Variants in DPP6 observed in about 807,000 individuals in gnomAD.
DPP6 encodes the protein dipeptidyl peptidase like 6.
In DPP6, 69 loss-of-function variants were observed where a neutral mutation model predicts 122.6. The ratio of observed to expected loss-of-function variants is 0.56; its 90% CI spans 0.46 to 0.69. The LOEUF (loss-of-function observed/expected upper bound fraction) is 0.69, where lower values mean the gene tolerates loss of function less well. Ranked by LOEUF, DPP6 falls within the 30% of genes least tolerant of loss-of-function variation. The pLI, the probability that DPP6 is intolerant of heterozygous loss-of-function variation, is 0.00. For synonymous variants in DPP6, 418 were observed against 433.1 expected (o/e 0.97, Z 0.43); for missense variants, 928 against 1,116.9 (o/e 0.83, Z 2.41).
At position 154,892,593 on chromosome 7, in the gene DPP6, T is replaced by A. The variant is rs1047038; in HGVS notation, c.*113T>A. The stretch of plus-strand genomic sequence containing the variant: ...GGCGGGGCGGGGCGGGGCCGGGTGT[T>A]CCATAGCATGTGTGTCTCGGATGCG... On this transcript the variant is annotated 3_prime_UTR_variant, in exon 26 of 26. Transcript: ENST00000377770. 102,692 of 1,488,738 alleles carry A rather than the reference T, an allele frequency of 0.069. 5,353 individuals carry two copies. The highest frequency in any genetic ancestry group is 0.12 in the Admixed American group (6,865 of 55,864). The allele number at this position is 1,488,738 out of a possible 1,614,324, so 92.2% of individuals were successfully genotyped here.
chr7:153,979,991 T>C (rs1344548404), intron 1 of DPP6, among the ~76,000 whole-genome samples: 5 of 152,354 alleles, frequency 3.3e-5, no homozygotes, highest in East Asian at 3.9e-4. Context: ...ATCAGGGATA[T>C]TGGCCTGAAA....
At chr7:154,290,880 C>A (rs1402648987) in intron 1 of DPP6, among the ~76,000 whole-genome samples, 1 of 152,158 alleles carries the variant, frequency 6.6e-6, no homozygotes, top group Non-Finnish European at 1.5e-5. Flanking sequence ...CCTTCAAAGC[C>A]AAGGGCTGTC....
chr7:154,421,040 C>G (rs1178922148), intron 1 of DPP6, among the ~76,000 whole-genome samples: 3 of 152,178 alleles, frequency 2.0e-5, no homozygotes, highest in Non-Finnish European at 4.4e-5. Context: ...TTCGTGAGCT[C>G]TGGAACTAAG....
At chr7:154,181,749 CTTT>C (rs57576340) in intron 1 of DPP6, among the ~76,000 whole-genome samples, 5 of 134,888 alleles carry the variant, frequency 3.7e-5, no homozygotes, top group Non-Finnish European at 6.4e-5. Flanking sequence ...GCATCTCCCT[CTTT>C]TTTTTTTTTT....
At chr7:154,658,679 G>C (rs1325112726) in intron 6 of DPP6, among the ~76,000 whole-genome samples, 1 of 152,220 alleles carries the variant, frequency 6.6e-6, no homozygotes, top group African/African-American at 2.4e-5. Context: ...AGAGCCTTCA[G>C]TGCTCCTCTG....
rs142171263 is a variant in DPP6, at chr7:154,510,813, C to A, written c.458-29719C>A. On this transcript the variant is annotated intron_variant, in intron 3 of 25. Transcript: ENST00000377770. ...ACACTAAAAACCACTAAATTATATA[C>A]CTAACTGGGTGAATTTATTTGTATG... Among the ~76,000 whole-genome samples, 17 of 151,962 alleles carry A rather than the reference C, an allele frequency of 1.1e-4. No individual in the cohort carries two copies. In the East Asian group the frequency reaches 3.3e-3, roughly 29 times the overall value.
the DPP6 span, among the ~76,000 whole-genome samples, chr7:153,844,813 A>G: frequency 5.3e-5 from 8 of 152,216 alleles, no homozygotes; most frequent in Non-Finnish European, 7.3e-5. Context: ...GTGACTTACT[A>G]TCAAGTTATA....
intron 1 of DPP6, among the ~76,000 whole-genome samples, chr7:154,260,484 A>G (rs1023449233): frequency 1.1e-4 from 16 of 151,678 alleles, no homozygotes; most frequent in Non-Finnish European, 2.1e-4. Flanking sequence ...CCGTTGTGCC[A>G]TTGTGTCATT....
chr7:154,726,960 C>A (rs1842096043), intron 7 of DPP6, among the ~76,000 whole-genome samples: 1 of 152,172 alleles, frequency 6.6e-6, no homozygotes, highest in Admixed American at 6.5e-5. Flanking sequence ...AACCATCCAA[C>A]AATTCTCTAG....
intron 1 of DPP6, among the ~76,000 whole-genome samples, chr7:154,128,320 C>T (rs1182270241): frequency 1.3e-5 from 2 of 152,200 alleles, no homozygotes; most frequent in East Asian, 3.8e-4. Flanking sequence ...TGGCTCACAT[C>T]TGTAATCCCA....
chr7:153,810,303 G>A, the DPP6 span, among the ~76,000 whole-genome samples: 2 of 152,120 alleles, frequency 1.3e-5, no homozygotes, highest in African/African-American at 4.8e-5. Context: ...CTGATAGGTG[G>A]TAAGACTTAC....
chr7:154,857,460 C>T (rs1180271177), intron 17 of DPP6, among the ~76,000 whole-genome samples: 1 of 152,212 alleles, frequency 6.6e-6, no homozygotes, highest in Non-Finnish European at 1.5e-5. Flanking sequence ...GTGCCAAACC[C>T]AGCCCTGAGT....
chr7:153,755,490 G>A, the DPP6 span, among the ~76,000 whole-genome samples: 2 of 147,794 alleles, frequency 1.4e-5, no homozygotes, highest in African/African-American at 2.5e-5. Context: ...AAATCTGAAG[G>A]TTTTCATGCC....
At chr7:154,058,853 A>T (rs1801206689) in intron 1 of DPP6, 1 of 142,728 alleles carries the variant, frequency 7.0e-6, no homozygotes, top group Admixed American at 7.0e-5. Flanking sequence ...GGCTGTTAGT[A>T]CCCCCATCGC....
At chr7:153,874,300 C>A in the DPP6 span, among the ~76,000 whole-genome samples, 1 of 150,944 alleles carries the variant, frequency 6.6e-6, no homozygotes, top group Non-Finnish European at 1.5e-5. Context: ...ACCAGAATAA[C>A]AGAAGAACCA....
intron 1 of DPP6, among the ~76,000 whole-genome samples, chr7:154,207,818 G>A (rs750670188): frequency 3.2e-4 from 49 of 152,274 alleles, no homozygotes; most frequent in Middle Eastern, 3.4e-3. Context: ...AGCCGGATGC[G>A]ATGGCGCAGG....
rs926586330 is a variant in DPP6 at position 154,180,272 on chromosome 7, C to T, written c.243+127209C>T. 4.6e-5 allele frequency among the ~76,000 whole-genome samples: 7 copies of T among 151,454 alleles called. No individual in the cohort carries two copies. The East Asian group carries it at 5.8e-4, about 13-fold the overall frequency. On this transcript the variant is annotated intron_variant, in intron 1 of 25. Transcript: ENST00000377770. Reference sequence around the variant, plus strand: ...CTGAGGCATAAGAATCGCATGAACCCGGGAGGTGGAGGCTGCAGTGAGCTG... The same window carrying T: ...CTGAGGCATAAGAATCGCATGAACCTGGGAGGTGGAGGCTGCAGTGAGCTG...
chr7:154,627,000 CTTTTTTTTTTTTT>C (rs552919287), intron 5 of DPP6, among the ~76,000 whole-genome samples: 39 of 52,090 alleles, frequency 7.5e-4, no homozygotes, highest in African/African-American at 1.6e-3. Context: ...GAAATTTTTT[CTTTTTTTTTTTTT>C]TTTTTTTTTT....
Position 154,769,434 on chromosome 7 carries a change from C to T in DPP6, c.901C>T (p.His301Tyr). Residue 301 changes from histidine (H) to tyrosine (Y), a missense_variant, in exon 9 of 26, where the codon CAC (histidine) becomes TAC (tyrosine). Coordinates refer to ENST00000377770, the MANE Select transcript of DPP6 (RefSeq NM_130797.4). ...WLYEEEILKT[H>Y]IAHWWSPDGT... is the part of the protein sequence containing the mutation. ...TCCCTTAGAGGAGATTTTGAAGACA[C>T]ACATCGCACACTGGTGGTCTCCGGA... The T allele has an allele frequency of 1.2e-6, 2 of 1,613,690 alleles. No homozygotes were observed. Among genetic ancestry groups the T allele is most frequent in the South Asian group, 2.2e-5 (2 of 91,042 alleles).
Sources: gnomAD v4.1 joint callset for allele counts (sites outside exome capture counted in the v4.1 genomes callset) on GRCh38, gnomAD v4.1.1 for gene constraint, MANE v1.5 for transcripts, NCBI Gene and HGNC (gene_info 2026-07-23, HGNC 2026-07-21) for gene names.